STK38L: variants seen among roughly 807,000 people sequenced by gnomAD.
The protein encoded by STK38L is serine/threonine-protein kinase 38-like.
In STK38L, 28 loss-of-function variants were observed where a neutral mutation model predicts 59.7. That is an observed-to-expected ratio of 0.47 (90% CI 0.35 to 0.64). The LOEUF (loss-of-function observed/expected upper bound fraction) is 0.64, where lower values mean the gene tolerates loss of function less well. STK38L is among the 30% of genes least tolerant of loss of function. The pLI is 0.01. For synonymous variants in STK38L, 162 were observed against 176.8 expected, an observed-to-expected ratio of 0.92 and a Z score of 0.66; for missense variants, 314 against 555.8, an observed-to-expected ratio of 0.56 and a Z score of 4.37.
intron 1 of STK38L, among the ~76,000 whole-genome samples, chr12:27,295,594 A>C (rs1032170680): frequency 6.6e-6 from 1 of 151,474 alleles, no homozygotes; most frequent in African/African-American, 2.4e-5. Context: ...ATTCATGACT[A>C]CTCTGAGTCA....
chr12:27,294,710 CT>C (rs35709589), intron 1 of STK38L, among the ~76,000 whole-genome samples: 12,923 of 143,672 alleles, frequency 0.09, 563 homozygotes, highest in South Asian at 0.12. Flanking sequence ...CTTCTTTGAC[CT>C]TTTTTTTTTT....
intron 1 of STK38L, among the ~76,000 whole-genome samples, chr12:27,271,781 C>T (rs535906481): frequency 2.6e-5 from 4 of 152,190 alleles, no homozygotes; most frequent in Admixed American, 6.5e-5. Flanking sequence ...CTCACTGCAT[C>T]TTCCGCCTCA....
intron 3 of STK38L, among the ~76,000 whole-genome samples, chr12:27,307,250 G>A (rs1944339984): frequency 6.6e-6 from 1 of 152,150 alleles, no homozygotes; most frequent in South Asian, 2.1e-4. Flanking sequence ...GTGCCTTAGT[G>A]TATAACTTCA....
At chr12:27,302,824 C>T (rs941602567) in intron 3 of STK38L, among the ~76,000 whole-genome samples, 5 of 151,190 alleles carry the variant, frequency 3.3e-5, no homozygotes, top group East Asian at 1.9e-4. Context: ...ATCGAGACCA[C>T]GGTGAAACCC....
rs748337742 is a variant in STK38L at position 27,308,498 on chromosome 12, A to G, written c.309+37A>G. ...TTTAAAAGTCACTACTGCTGCAAAT[A>G]TATATCTTAAGATAATTTAAAATAT... On this transcript the variant is annotated intron_variant, in intron 4 of 13. Coordinates refer to ENST00000389032, the MANE Select transcript of STK38L (RefSeq NM_015000.4). The surrounding 1 kb of genome is among the most constrained non-coding windows in gnomAD (Gnocchi z 4.5). The G allele has an allele frequency of 1.7e-5, 25 of 1,512,776 alleles. No individual in the cohort carries two copies. The highest frequency in any genetic ancestry group is 2.1e-5 in the Non-Finnish European group (24 of 1,130,250). The allele number at this position is 1,512,776 out of a possible 1,614,324, so 93.7% of individuals were successfully genotyped here.
intron 1 of STK38L, among the ~76,000 whole-genome samples, chr12:27,265,983 T>C (rs1353457372): frequency 6.6e-6 from 1 of 152,206 alleles, no homozygotes; most frequent in Non-Finnish European, 1.5e-5. Context: ...GAGAAAAGTC[T>C]GCTACCCTTC....
At position 27,317,936 on chromosome 12, in the gene STK38L, C is replaced by A. The variant is rs1478456390; in HGVS notation, c.996C>A (p.Tyr332Ter). Residue 332 changes from tyrosine to a stop codon, truncating the protein, a stop_gained, in exon 11 of 14, where the codon TAC becomes TAA. Coordinates refer to ENST00000389032, the MANE Select transcript of STK38L (RefSeq NM_015000.4). LOFTEE classifies it high-confidence loss of function. ...PFCSETPQET[Y>*]RKVMNWKETL... ...GCTCTGAAACACCTCAAGAAACGTA[C>A]AGAAAAGTGATGAACTGGAAAGAAA... is the stretch of plus-strand genomic sequence containing the variant. 6.2e-7 allele frequency: 1 copy of A among 1,613,938 alleles called. No individual in the cohort carries two copies.
At chr12:27,254,932 A>C (rs947847043) in intron 1 of STK38L, among the ~76,000 whole-genome samples, 2 of 152,112 alleles carry the variant, frequency 1.3e-5, no homozygotes, top group Non-Finnish European at 2.9e-5. Context: ...GTCTGAAAAT[A>C]CTCTGGTTGT....
chr12:27,253,854 T>A (rs1256662119), intron 1 of STK38L, among the ~76,000 whole-genome samples: 1 of 152,230 alleles, frequency 6.6e-6, no homozygotes, highest in Non-Finnish European at 1.5e-5. Flanking sequence ...AATGAACTTT[T>A]ATTTGCTGTC....
At chr12:27,288,216 A>G (rs1199252328) in intron 1 of STK38L, among the ~76,000 whole-genome samples, 1 of 152,016 alleles carries the variant, frequency 6.6e-6, no homozygotes, top group Non-Finnish European at 1.5e-5. Context: ...GTTGTACTCC[A>G]TCTCCTCCTC....
chr12:27,292,599 A>G (rs12578631), intron 1 of STK38L, among the ~76,000 whole-genome samples: 7,167 of 152,330 alleles, frequency 0.047, 445 homozygotes, highest in East Asian at 0.33. Context: ...TTGAGTTACC[A>G]TCACTTACAG....
intron 1 of STK38L, among the ~76,000 whole-genome samples, chr12:27,254,307 T>C (rs1277657205): frequency 2.0e-5 from 3 of 152,224 alleles, no homozygotes; most frequent in Non-Finnish European, 4.4e-5. Flanking sequence ...GATTCTTTTC[T>C]CCTCTCTACT....
In STK38L at chr12:27,323,874, G is replaced by T. The variant is rs1481086747; in HGVS notation, c.*1419G>T. ...TTTGGTTTCATTAGTAATAGTTGAG[G>T]AATAATATACTAGCAAAGAATGGCC... On this transcript the variant is annotated 3_prime_UTR_variant, in exon 14 of 14. Transcript: ENST00000389032. 1 of 151,972 alleles carries T rather than the reference G, an allele frequency of 6.6e-6. No individual in the cohort carries two copies. The highest frequency in any genetic ancestry group is 6.6e-5 in the Admixed American group (1 of 15,254). The allele number at this position is 151,972 out of a possible 1,614,324, so 9.4% of individuals were successfully genotyped here. A position where few individuals can be genotyped will look rare whatever the true frequency, so the allele number is the denominator to read the frequency against.
intron 1 of STK38L, among the ~76,000 whole-genome samples, chr12:27,280,642 AGGT>A (rs1363891128): frequency 6.6e-6 from 1 of 152,236 alleles, no homozygotes; most frequent in Non-Finnish European, 1.5e-5. Flanking sequence ...TGACATGGTA[AGGT>A]GGTGATAAGG....
intron 1 of STK38L, among the ~76,000 whole-genome samples, chr12:27,288,791 T>C (rs886531151): frequency 6.6e-6 from 1 of 152,092 alleles, no homozygotes; most frequent in Non-Finnish European, 1.5e-5. Flanking sequence ...TTACAAATAA[T>C]GTTGACATAC....
intron 1 of STK38L, among the ~76,000 whole-genome samples, chr12:27,294,990 G>C (rs554323740): frequency 2.6e-5 from 4 of 152,154 alleles, no homozygotes; most frequent in African/African-American, 9.6e-5. Flanking sequence ...ATGAGCCACT[G>C]TGCCTGGCAT....
chr12:27,278,045 C>T (rs1943575031), intron 1 of STK38L, among the ~76,000 whole-genome samples: 1 of 152,152 alleles, frequency 6.6e-6, no homozygotes. Context: ...TTTTGAATAA[C>T]CTATAAGCCA....
chr12:27,260,646 T>A (rs1943186477), intron 1 of STK38L, among the ~76,000 whole-genome samples: 1 of 152,160 alleles, frequency 6.6e-6, no homozygotes, highest in South Asian at 2.1e-4. Flanking sequence ...GGTACTCTCC[T>A]CCCTTCAGAT....
chr12:27,319,263 G>C (rs1565558028), intron 11 of STK38L, 65 bp from the exon 12 acceptor site: 2 of 949,422 alleles, frequency 2.1e-6, no homozygotes, highest in Non-Finnish European at 3.3e-6. Context: ...AATATTTGAA[G>C]TAATGCAGCT....
Sources: gnomAD v4.1 joint callset for allele counts (sites outside exome capture counted in the v4.1 genomes callset) on GRCh38, gnomAD v4.1.1 for gene constraint, Gnocchi (gnomAD v3.1) non-coding constraint, MANE v1.5 for transcripts, NCBI Gene and HGNC (gene_info 2026-07-23, HGNC 2026-07-21) for gene names.